The following RALGAPA1 variants were observed in gnomAD, a reference collection of about 807,000 sequenced individuals.
The protein encoded by RALGAPA1 is Ral GTPase activating protein catalytic subunit alpha 1.
In RALGAPA1, 52 loss-of-function variants were observed where a neutral mutation model predicts 269.6. The observed-to-expected ratio is 0.19, with a 90% CI of 0.15 to 0.24. RALGAPA1 has a LOEUF of 0.24. Among genes scored for constraint, RALGAPA1 ranks in the 10% least tolerant of loss-of-function variants. The pLI is 1.00. For synonymous variants in RALGAPA1, 817 were observed against 1,008.3 expected, an observed-to-expected ratio of 0.81 and a Z score of 3.60; for missense variants, 1,917 against 3,013.9, an observed-to-expected ratio of 0.64 and a Z score of 8.52.
intron 1 of RALGAPA1, among the ~76,000 whole-genome samples, chr14:35,805,926 G>A (rs895973229): frequency 6.6e-6 from 1 of 151,906 alleles, no homozygotes. Flanking sequence ...CTGACCTCGT[G>A]ATCCGCCCAC....
chr14:35,628,024 A>C, intron 33 of RALGAPA1, 73 bp from the exon 34 acceptor site: 1 of 1,424,846 alleles, frequency 7.0e-7, no homozygotes, highest in Non-Finnish European at 9.5e-7. Flanking sequence ...GAAATATTAG[A>C]CAACAAATAG....
chr14:35,616,443 T>C (rs1017124186), intron 35 of RALGAPA1, among the ~76,000 whole-genome samples: 1 of 152,152 alleles, frequency 6.6e-6, no homozygotes, highest in Admixed American at 6.5e-5. Flanking sequence ...ATATTAGATA[T>C]TTAATATAGG....
chr14:35,713,370 C>T (rs368888550), intron 16 of RALGAPA1, among the ~76,000 whole-genome samples: 2 of 152,208 alleles, frequency 1.3e-5, no homozygotes, highest in Non-Finnish European at 2.9e-5. Flanking sequence ...CTAGCTTGAG[C>T]AACTTGGTTA....
At chr14:35,621,957 G>A (rs780794953) in intron 35 of RALGAPA1, among the ~76,000 whole-genome samples, 7 of 152,274 alleles carry the variant, frequency 4.6e-5, no homozygotes, top group African/African-American at 1.7e-4. Context: ...ACAGTGTGGC[G>A]ATTCCTCAAG....
chr14:35,674,093 G>T, intron 24 of RALGAPA1, 87 bp downstream of exon 24: 1 of 992,230 alleles, frequency 1.0e-6, no homozygotes, highest in Non-Finnish European at 1.5e-6. Flanking sequence ...TGCTCTAGAA[G>T]TCTATATAAT....
intron 17 of RALGAPA1, among the ~76,000 whole-genome samples, chr14:35,693,912 A>G (rs17103463): frequency 0.11 from 16,980 of 152,038 alleles, 1,568 homozygotes; most frequent in East Asian, 0.37. Context: ...TTGAAAGGAA[A>G]GCTGTACATT....
chr14:35,666,715 T>C (rs867789110), intron 26 of RALGAPA1, among the ~76,000 whole-genome samples: 3 of 152,152 alleles, frequency 2.0e-5, no homozygotes, highest in South Asian at 2.1e-4. Flanking sequence ...ACATAATGCA[T>C]AGTATTAGAT....
Position 35,539,574 on chromosome 14 carries a change from G to C in RALGAPA1, c.*140C>G, listed in dbSNP as rs756904690. 3 of 1,613,048 alleles carry C rather than the reference G, an allele frequency of 1.9e-6. No individual in the cohort carries two copies. Among genetic ancestry groups the C allele is most frequent in the Non-Finnish European group, 2.5e-6 (3 of 1,180,012 alleles). On this transcript the variant is annotated 3_prime_UTR_variant, in exon 42 of 42. Transcript: ENST00000680220. ...TTATTGGCTGAGCCAGAGGAACGACGCAGCTTCATGGACATGCGGCTTTTG... is the reference window on the plus strand; with the variant it reads ...TTATTGGCTGAGCCAGAGGAACGACCCAGCTTCATGGACATGCGGCTTTTG...
At chr14:35,754,609 A>G (rs758152780) in intron 7 of RALGAPA1, among the ~76,000 whole-genome samples, 49 of 152,200 alleles carry the variant, frequency 3.2e-4, no homozygotes, top group Non-Finnish European at 5.7e-4. Context: ...AGTCTTACAT[A>G]TTGCTGGTGG....
chr14:35,744,951 A>T (rs1387059520), intron 10 of RALGAPA1, among the ~76,000 whole-genome samples: 2 of 152,218 alleles, frequency 1.3e-5, no homozygotes, highest in African/African-American at 4.8e-5. Context: ...AATAAAATTT[A>T]ATAATCTTAA....
chr14:35,571,248 A>G (rs996003335), intron 38 of RALGAPA1, among the ~76,000 whole-genome samples: 5 of 152,334 alleles, frequency 3.3e-5, no homozygotes, highest in Admixed American at 2.0e-4. Context: ...TCATGGTTTC[A>G]AAACTTAGAA....
intron 4 of RALGAPA1, among the ~76,000 whole-genome samples, chr14:35,768,678 A>G (rs2074339424): frequency 6.6e-6 from 1 of 151,906 alleles, no homozygotes. Context: ...CTGGTGACTG[A>G]ATAAGATCCT....
intron 16 of RALGAPA1, chr14:35,706,804 G>C (rs747396682): frequency 4.0e-5 from 6 of 151,848 alleles, no homozygotes; most frequent in Non-Finnish European, 8.8e-5. Context: ...ATTTTTTGTA[G>C]AGACAGGTTT....
At chr14:35,749,419 T>C (rs1336851463) in intron 9 of RALGAPA1, among the ~76,000 whole-genome samples, 1 of 152,154 alleles carries the variant, frequency 6.6e-6, no homozygotes, top group Non-Finnish European at 1.5e-5. Context: ...CCTAACCAGA[T>C]AGGGAAAAAT....
At chr14:35,586,013 A>T (rs1366119439) in intron 37 of RALGAPA1, among the ~76,000 whole-genome samples, 1 of 152,106 alleles carries the variant, frequency 6.6e-6, no homozygotes, top group Non-Finnish European at 1.5e-5. Context: ...CTTGATGGGG[A>T]TGGCATTGAA....
rs776575016 is a variant in RALGAPA1 at position 35,728,320 on chromosome 14, A to G, written c.1736+42T>C. The stretch of plus-strand genomic sequence containing the variant: ...TCTAAAAATTACTATACCTGTGTAC[A>G]CAATAAAAACACATAGACATAAAGG... On this transcript the variant is annotated intron_variant, in intron 13 of 41. Coordinates refer to ENST00000680220, the MANE Select transcript of RALGAPA1 (RefSeq NM_001346249.2). 2.7e-6 allele frequency: 4 copies of G among 1,467,638 alleles called. No homozygotes were observed. The African/African-American group carries it at 4.3e-5, about 16-fold the overall frequency. The allele number at this position is 1,467,638 out of a possible 1,614,324, so 90.9% of individuals were successfully genotyped here.
At chr14:35,723,392 G>C in intron 14 of RALGAPA1, 128 bp from the exon 15 acceptor site, 1 of 566,468 alleles carries the variant, frequency 1.8e-6, no homozygotes, top group Non-Finnish European at 3.1e-6. Flanking sequence ...TTTTTTAATA[G>C]ATAATACTAC....
At chr14:35,718,721 C>A (rs2140927005) in intron 16 of RALGAPA1, among the ~76,000 whole-genome samples, 1 of 152,058 alleles carries the variant, frequency 6.6e-6, no homozygotes, top group South Asian at 2.1e-4. Flanking sequence ...GAGGCTGAGG[C>A]AGGAGAATTG....
intron 21 of RALGAPA1, among the ~76,000 whole-genome samples, chr14:35,678,555 C>A (rs2065154519): frequency 6.6e-6 from 1 of 152,158 alleles, no homozygotes; most frequent in African/African-American, 2.4e-5. Context: ...CTTCCCCCTC[C>A]CAATCCATTC....
Sources: gnomAD v4.1 joint callset for allele counts (sites outside exome capture counted in the v4.1 genomes callset) on GRCh38, gnomAD v4.1.1 for gene constraint, MANE v1.5 for transcripts, NCBI Gene and HGNC (gene_info 2026-07-23, HGNC 2026-07-21) for gene names.